Variants in MBNL1 observed in about 807,000 individuals in gnomAD.
MBNL1 encodes muscleblind-like protein 1.
Under a neutral mutation model 42.2 loss-of-function variants are expected in MBNL1, and 8 were observed. The ratio of observed to expected loss-of-function variants is 0.19; its 90% CI spans 0.11 to 0.34. The LOEUF is 0.34. Among genes scored for constraint, MBNL1 ranks in the 10% least tolerant of loss-of-function variants. MBNL1 has a pLI of 1.00. For missense variants in MBNL1, 309 were observed against 495.3 expected (o/e 0.62, Z 3.57); for synonymous variants, 169 against 173.9 (o/e 0.97, Z 0.22).
At chr3:152,311,111 C>T (rs1045556809) in intron 2 of MBNL1, among the ~76,000 whole-genome samples, 12 of 146,842 alleles carry the variant, frequency 8.2e-5, no homozygotes, top group Non-Finnish European at 1.2e-4. Flanking sequence ...TGGGTTCAAG[C>T]GATTCTCCTG....
At chr3:152,323,698 C>G (rs1446152823) in intron 2 of MBNL1, among the ~76,000 whole-genome samples, 1 of 152,044 alleles carries the variant, frequency 6.6e-6, no homozygotes, top group African/African-American at 2.4e-5. Context: ...ATTTGTGTAT[C>G]AAAACATACT....
At chr3:152,366,439 T>C (rs1480051463) in intron 2 of MBNL1, among the ~76,000 whole-genome samples, 3 of 152,186 alleles carry the variant, frequency 2.0e-5, no homozygotes, top group East Asian at 1.9e-4. Flanking sequence ...TGCCGAGTTC[T>C]GCAGAGGATA....
At chr3:152,309,403 G>A (rs1405173510) in intron 2 of MBNL1, among the ~76,000 whole-genome samples, 1 of 152,120 alleles carries the variant, frequency 6.6e-6, no homozygotes, top group Non-Finnish European at 1.5e-5. Flanking sequence ...ATGAGGTTGA[G>A]ATCCAAGACC....
At chr3:152,248,722 T>G (rs890559444) in intron 2 of MBNL1, among the ~76,000 whole-genome samples, 1 of 152,048 alleles carries the variant, frequency 6.6e-6, no homozygotes, top group African/African-American at 2.4e-5. Flanking sequence ...ACCCATTAAC[T>G]CATCATTTAG....
intron 1 of MBNL1, among the ~76,000 whole-genome samples, chr3:152,272,021 T>A (rs1166231877): frequency 6.7e-6 from 1 of 149,846 alleles, no homozygotes; most frequent in African/African-American, 2.5e-5. Context: ...CTTACTAGAT[T>A]AACTTCACCT....
At chr3:152,410,117 T>TTA (rs945637686) in intron 2 of MBNL1, among the ~76,000 whole-genome samples, 5 of 151,998 alleles carry the variant, frequency 3.3e-5, no homozygotes, top group African/African-American at 1.2e-4. Flanking sequence ...CATATGCAGT[T>TTA]TATATATATA....
At chr3:152,451,934 T>TAC (rs1339154798) in intron 6 of MBNL1, among the ~76,000 whole-genome samples, 1 of 152,184 alleles carries the variant, frequency 6.6e-6, no homozygotes, top group East Asian at 1.9e-4. Flanking sequence ...TTTTGTAAGG[T>TAC]TTAGATTTAA....
chr3:152,398,144 G>A (rs1369767146), intron 2 of MBNL1, among the ~76,000 whole-genome samples: 1 of 152,146 alleles, frequency 6.6e-6, no homozygotes. Flanking sequence ...TAAGTGCAAT[G>A]AAACAAGATA....
chr3:152,420,080 A>G (rs528222360), intron 3 of MBNL1, among the ~76,000 whole-genome samples: 1 of 152,336 alleles, frequency 6.6e-6, no homozygotes, highest in East Asian at 1.9e-4. Context: ...TGGGCAGGGC[A>G]TCTCTGAAAG....
chr3:152,402,166 A>G (rs2098253955), intron 2 of MBNL1, among the ~76,000 whole-genome samples: 1 of 152,186 alleles, frequency 6.6e-6, no homozygotes, highest in Admixed American at 6.5e-5. Flanking sequence ...GCTTTCAAGC[A>G]TCTCTGGAGA....
At chr3:152,335,271 A>G (rs1340167135) in intron 2 of MBNL1, 1 of 1,289,656 alleles carries the variant, frequency 7.8e-7, no homozygotes, top group Admixed American at 2.3e-5. Context: ...TTGCTAAGAT[A>G]CCATTTGGGT....
intron 2 of MBNL1, among the ~76,000 whole-genome samples, chr3:152,350,135 G>A (rs1170408132): frequency 2.6e-5 from 4 of 152,134 alleles, no homozygotes; most frequent in African/African-American, 9.7e-5. Flanking sequence ...GAAATCAAAA[G>A]AAAGTGTCAG....
At chr3:152,432,691 A>T (rs759271214) in intron 3 of MBNL1, 26 bp from the exon 4 acceptor site, 1 of 1,607,532 alleles carries the variant, frequency 6.2e-7, no homozygotes, top group Non-Finnish European at 8.5e-7. Flanking sequence ...CTGCATGTTA[A>T]ATTTTGCTTT....
chr3:152,251,029 T>A (rs908369223), intron 2 of MBNL1, among the ~76,000 whole-genome samples: 26 of 152,076 alleles, frequency 1.7e-4, no homozygotes, highest in African/African-American at 6.3e-4. Context: ...GCAAGGCTGG[T>A]TCAATATACG....
Position 152,245,087 on chromosome 3 carries a change from T to TATA in MBNL1, n.333+647_333+648insATA, listed in dbSNP as rs2032586657. 4.6e-5 allele frequency among the ~76,000 whole-genome samples: 7 copies of TATA among 152,240 alleles called. No homozygotes were observed. The South Asian group carries it at 1.4e-3, about 32-fold the overall frequency. On this transcript the variant is annotated intron_variant and non_coding_transcript_variant, in intron 2 of 2. Transcript: ENST00000477171. ...AAATAAGTTTAATTTGTATTTATAA[T>TATA]GCTTAAAATATAGTAAGAATGAAAA...
At chr3:152,411,306 G>A (rs1234660675) in intron 2 of MBNL1, among the ~76,000 whole-genome samples, 1 of 152,150 alleles carries the variant, frequency 6.6e-6, no homozygotes. Flanking sequence ...TGGATCATGA[G>A]GTCAGGAGAT....
chr3:152,366,885 G>A (rs1308817583), intron 2 of MBNL1, among the ~76,000 whole-genome samples: 7 of 151,886 alleles, frequency 4.6e-5, no homozygotes, highest in African/African-American at 1.7e-4. Flanking sequence ...AACAGTGAAG[G>A]GATAGTTTGC....
At chr3:152,335,085 C>A (rs1349392359) in intron 2 of MBNL1, 2 of 1,271,080 alleles carry the variant, frequency 1.6e-6, no homozygotes, top group South Asian at 1.3e-5. Flanking sequence ...GCTGACCTGG[C>A]ATATCCATTA....
chr3:152,432,751 A>G lies in MBNL1; in HGVS notation c.380A>G (p.Asn127Ser), dbSNP rs372004593. Residue 127 changes from asparagine (N) to serine (S), a missense_variant, in exon 4 of 10, where the codon AAT becomes AGT. By Grantham distance (46) the Asn-to-Ser change is conservative (BLOSUM62 1). Transcript: ENST00000324210. The part of the protein sequence containing the change: ...MFSVAPSLAT[N>S]ASAAAFNPYL... ...TCAGTTGCACCAAGCTTAGCCACCA[A>G]TGCATCAGCAGCCGCCTTTAATCCC... is the stretch of plus-strand genomic sequence containing the variant. 31 of 1,614,052 alleles carry G rather than the reference A, an allele frequency of 1.9e-5. No homozygotes were observed. Among genetic ancestry groups the G allele is most frequent in the East Asian group, 6.7e-5 (3 of 44,890 alleles).
Sources: gnomAD v4.1 joint callset for allele counts (sites outside exome capture counted in the v4.1 genomes callset) on GRCh38, gnomAD v4.1.1 for gene constraint, MANE v1.5 for transcripts, NCBI Gene and HGNC (gene_info 2026-07-23, HGNC 2026-07-21) for gene names.